NEK10: variants seen among roughly 807,000 people sequenced by gnomAD.
NEK10 encodes the protein NIMA related kinase 10.
A neutral mutation model predicts 159.8 loss-of-function variants in NEK10; 122 were observed. That is an observed-to-expected ratio of 0.76 (90% CI 0.66 to 0.89). The LOEUF (loss-of-function observed/expected upper bound fraction) is 0.89. Among genes scored for constraint, NEK10 ranks in the 40% least tolerant of loss-of-function variants. NEK10 has a pLI of 0.00. For missense variants in NEK10, 1,342 were observed against 1,323.1 expected, an observed-to-expected ratio of 1.01 and a Z score of -0.22; for synonymous variants, 466 against 457.1, an observed-to-expected ratio of 1.02 and a Z score of -0.25.
At chr3:27,154,598 G>A (rs952518326) in intron 30 of NEK10, among the ~76,000 whole-genome samples, 10 of 152,188 alleles carry the variant, frequency 6.6e-5, no homozygotes, top group African/African-American at 1.7e-4. Flanking sequence ...GACAGTCCAC[G>A]ATAATCAAGT....
rs541923028 is a variant in NEK10, at chr3:27,204,771, C to T, written c.2091-2214G>A. Among the ~76,000 whole-genome samples, 836 of 143,404 alleles carry T rather than the reference C, an allele frequency of 5.8e-3. 11 individuals carry two copies. Among genetic ancestry groups the T allele is most frequent in the African/African-American group, 0.02 (798 of 39,850 alleles). The allele number at this position is 143,404 out of a possible 152,430, so 94.1% of individuals were successfully genotyped here. ...TGTGAATGATGCCGCAATAAACACA[C>T]GTGTGCATGTGTCTTTATAGCAGCA... is the stretch of plus-strand genomic sequence containing the variant. On this transcript the variant is annotated intron_variant, in intron 23 of 35. Coordinates refer to ENST00000691995, the MANE Select transcript of NEK10 (RefSeq NM_001394966.1).
chr3:27,364,323 G>A (rs936728304), intron 1 of NEK10, among the ~76,000 whole-genome samples: 13 of 149,830 alleles, frequency 8.7e-5, no homozygotes, highest in African/African-American at 2.0e-4. Flanking sequence ...TGGAATTGCA[G>A]GCGCCCACCA....
intron 22 of NEK10, among the ~76,000 whole-genome samples, chr3:27,277,287 C>A (rs1029847673): frequency 6.6e-6 from 1 of 152,134 alleles, no homozygotes; most frequent in African/African-American, 2.4e-5. Context: ...ACTACTCACT[C>A]TCAGACCCCT....
At chr3:27,201,010 T>G (rs955251436) in intron 25 of NEK10, among the ~76,000 whole-genome samples, 4 of 152,138 alleles carry the variant, frequency 2.6e-5, no homozygotes, top group African/African-American at 9.7e-5. Context: ...AAATAATGAC[T>G]TTCATTAAAC....
rs1049880090 is a variant in NEK10 at position 27,333,014 on chromosome 3, C to G, written c.363-10753G>C. Among the ~76,000 whole-genome samples the G allele has an allele frequency of 2.0e-5, 3 of 152,092 alleles. No homozygotes were observed. The South Asian group carries it at 6.2e-4, about 32-fold the overall frequency. ...ACTTGCTTCCTCCACTAAGAAGAAC[C>G]AATATAGTGAGTAGATAATTATGCT... On this transcript the variant is annotated intron_variant, in intron 5 of 35. Coordinates refer to ENST00000691995, the MANE Select transcript of NEK10 (RefSeq NM_001394966.1).
At chr3:27,274,850 G>A (rs1381428605) in intron 22 of NEK10, among the ~76,000 whole-genome samples, 1 of 152,030 alleles carries the variant, frequency 6.6e-6, no homozygotes, top group African/African-American at 2.4e-5. Flanking sequence ...AGGTACTACT[G>A]CCTACTCACT....
chr3:27,274,634 C>T (rs548522198), intron 22 of NEK10, among the ~76,000 whole-genome samples: 23 of 151,928 alleles, frequency 1.5e-4, no homozygotes, highest in Admixed American at 1.2e-3. Context: ...TTCACATATG[C>T]GCACACATGC....
chr3:27,141,019 A>G (rs908071404), intron 31 of NEK10, among the ~76,000 whole-genome samples: 6 of 152,326 alleles, frequency 3.9e-5, no homozygotes, highest in African/African-American at 1.2e-4. Context: ...AGTGCTAGGA[A>G]TCACTGAGAT....
intron 11 of NEK10, 65 bp downstream of exon 11, chr3:27,307,794 T>A (rs1052431953): frequency 1.0e-5 from 8 of 790,530 alleles, no homozygotes; most frequent in African/African-American, 8.6e-5. Flanking sequence ...GTAATAAAAA[T>A]AATAACAAGT....
chr3:27,256,390 C>A lies in NEK10; in HGVS notation c.2015-19G>T. 6.6e-7 allele frequency: 1 copy of A among 1,511,884 alleles called. No individual in the cohort carries two copies. The highest frequency in any genetic ancestry group is 1.3e-5 in the South Asian group (1 of 79,738). 93.7% of individuals were successfully genotyped at this position (1,511,884 alleles called of 1,614,324 possible). The stretch of plus-strand genomic sequence containing the variant: ...AAGTCAGCTACAATTCACAAAACAA[C>A]GCAATATGTTACTATATTTTCCCAG... On this transcript the variant is annotated intron_variant, in intron 22 of 35. Transcript: ENST00000691995.
rs908169256 is a variant in NEK10 at position 27,107,581 on chromosome 3, G to A, written c.*3691C>T. ...ATATGAAATTCATTTATTACATTTA[G>A]TTGTTGAACATGAAGAATTTTATAT... On this transcript the variant is annotated 3_prime_UTR_variant, in exon 36 of 36. Coordinates refer to ENST00000691995, the MANE Select transcript of NEK10 (RefSeq NM_001394966.1). Among the ~76,000 whole-genome samples the A allele has an allele frequency of 1.3e-5, 2 of 152,102 alleles. No homozygotes were observed. Among genetic ancestry groups the A allele is most frequent in the Non-Finnish European group, 2.9e-5 (2 of 68,008 alleles).
At chr3:27,347,981 CA>C (rs1461413733) in intron 3 of NEK10, among the ~76,000 whole-genome samples, 1 of 152,096 alleles carries the variant, frequency 6.6e-6, no homozygotes, top group African/African-American at 2.4e-5. Context: ...TGTTATGTGT[CA>C]AGCATAGTTC....
intron 22 of NEK10, among the ~76,000 whole-genome samples, chr3:27,258,466 C>T (rs771173224): frequency 2.0e-5 from 3 of 149,744 alleles, no homozygotes; most frequent in Non-Finnish European, 3.0e-5. Context: ...TGAGAACATG[C>T]GGTGTTTGGT....
rs530663441 is a variant in NEK10 at position 27,152,374 on chromosome 3, C to T, written c.2869+10327G>A. 2.6e-5 allele frequency among the ~76,000 whole-genome samples: 4 copies of T among 152,264 alleles called. No homozygotes were observed. The East Asian group carries it at 5.8e-4, about 22-fold the overall frequency. ...AAACTAAACAATTATCAGCCAAGAA[C>T]TTTGTATCCAACAAAACTAAGCATC... is the stretch of plus-strand genomic sequence containing the variant. On this transcript the variant is annotated intron_variant, in intron 30 of 35. Transcript: ENST00000691995.
intron 23 of NEK10, among the ~76,000 whole-genome samples, chr3:27,223,038 T>C (rs1335927062): frequency 2.0e-5 from 3 of 152,198 alleles, no homozygotes; most frequent in Non-Finnish European, 4.4e-5. Context: ...TAATAATTAA[T>C]AGAACTTTTT....
chr3:27,287,245 T>G (rs1451582008), intron 20 of NEK10, among the ~76,000 whole-genome samples: 1 of 152,158 alleles, frequency 6.6e-6, no homozygotes, highest in Non-Finnish European at 1.5e-5. Flanking sequence ...AGAATCAGTC[T>G]GGGCTCCATC....
chr3:27,354,836 C>G (rs1163389566), intron 1 of NEK10, among the ~76,000 whole-genome samples: 1 of 151,854 alleles, frequency 6.6e-6, no homozygotes, highest in African/African-American at 2.4e-5. Flanking sequence ...GTTGTCTAAA[C>G]TGAGAGAAGT....
At chr3:27,353,412 C>T (rs943246589) in intron 1 of NEK10, among the ~76,000 whole-genome samples, 7 of 152,100 alleles carry the variant, frequency 4.6e-5, no homozygotes, top group African/African-American at 1.7e-4. Flanking sequence ...TAATAGCATG[C>T]TTCAATGTAT....
At chr3:27,286,109 G>T (rs1575593095) in intron 20 of NEK10, among the ~76,000 whole-genome samples, 7 of 81,072 alleles carry the variant, frequency 8.6e-5, no homozygotes, top group South Asian at 4.2e-4. Context: ...TTTTTGAGAT[G>T]GAGTCTCACT....
Sources: allele counts gnomAD v4.1 joint callset (sites outside exome capture counted in the v4.1 genomes callset), GRCh38; gene constraint gnomAD v4.1.1; transcripts MANE v1.5; gene names NCBI Gene and HGNC (gene_info 2026-07-23, HGNC 2026-07-21).